MACROH2A2: variants seen among roughly 807,000 people sequenced by gnomAD.
MACROH2A2 encodes the protein core histone macro-H2A.2.
A neutral mutation model predicts 37.6 loss-of-function variants in MACROH2A2; 6 were observed. The ratio of observed to expected loss-of-function variants is 0.16; its 90% CI spans 0.09 to 0.32. The LOEUF (loss-of-function observed/expected upper bound fraction) is 0.32. Among genes scored for constraint, MACROH2A2 ranks in the 10% least tolerant of loss-of-function variants. The pLI is 1.00. For missense variants in MACROH2A2, 290 were observed against 485.9 expected (o/e 0.60, Z 3.79); for synonymous variants, 192 against 202.7 (o/e 0.95, Z 0.45).
intron 1 of MACROH2A2, among the ~76,000 whole-genome samples, chr10:70,066,778 T>A (rs922915404): frequency 1.3e-5 from 2 of 152,208 alleles, no homozygotes; most frequent in African/African-American, 4.8e-5. Context: ...TTCTAAGACA[T>A]GCACGTACAC....
At chr10:70,083,158 T>C (rs1589835603) in intron 2 of MACROH2A2, among the ~76,000 whole-genome samples, 1 of 152,124 alleles carries the variant, frequency 6.6e-6, no homozygotes, top group East Asian at 1.9e-4. Flanking sequence ...TCTCCAGAGC[T>C]GGCTGGAGGC....
intron 7 of MACROH2A2, among the ~76,000 whole-genome samples, chr10:70,103,802 G>T (rs150587176): frequency 6.6e-6 from 1 of 151,868 alleles, no homozygotes. Context: ...AAGATGTGTG[G>T]AAACAGGAAA....
chr10:70,109,236 C>T lies in MACROH2A2; in HGVS notation c.953+29C>T, dbSNP rs768653336. The T allele has an allele frequency of 5.6e-6, 9 of 1,595,860 alleles. No homozygotes were observed. In the East Asian group the frequency reaches 1.8e-4, roughly 32 times the overall value. ...AGATGCAGTTCCCCTGAGTTGATTC[C>T]TCCGGCTTTTTCCCTGGAAATCAGC... is the stretch of plus-strand genomic sequence containing the variant. On this transcript the variant is annotated intron_variant, in intron 8 of 8. Transcript: ENST00000373255.
chr10:70,056,423 C>T (rs914655123), intron 1 of MACROH2A2, among the ~76,000 whole-genome samples: 2 of 152,200 alleles, frequency 1.3e-5, no homozygotes, highest in East Asian at 1.9e-4. Context: ...GGATTACAGG[C>T]GTGTGCCACC....
intron 7 of MACROH2A2, among the ~76,000 whole-genome samples, chr10:70,102,422 T>G (rs114517225): frequency 0.018 from 2,804 of 152,152 alleles, 97 homozygotes; most frequent in African/African-American, 0.065. Flanking sequence ...TAGACTTGAT[T>G]GTTATAAAAG....
At chr10:70,064,982 C>T (rs2072070835) in intron 1 of MACROH2A2, among the ~76,000 whole-genome samples, 1 of 151,920 alleles carries the variant, frequency 6.6e-6, no homozygotes, top group African/African-American at 2.4e-5. Flanking sequence ...TTCAAGAAAG[C>T]TCTTCTATCT....
At chr10:70,094,942 G>C (rs2072265952) in intron 5 of MACROH2A2, among the ~76,000 whole-genome samples, 1 of 152,214 alleles carries the variant, frequency 6.6e-6, no homozygotes, top group Admixed American at 6.5e-5. Context: ...CTTCTAGGGA[G>C]AATGCAGGAT....
At chr10:70,084,928 T>C (rs1448112806) in intron 2 of MACROH2A2, among the ~76,000 whole-genome samples, 3 of 152,122 alleles carry the variant, frequency 2.0e-5, no homozygotes, top group East Asian at 1.9e-4. Context: ...AAGGTACCTA[T>C]TGGGTCACCA....
chr10:70,095,855 G>C, intron 6 of MACROH2A2, 102 bp downstream of exon 6: 1 of 654,802 alleles, frequency 1.5e-6, no homozygotes. Context: ...CTCCGCTGGG[G>C]TCCCATGTCA....
intron 2 of MACROH2A2, among the ~76,000 whole-genome samples, chr10:70,084,610 C>CT (rs1564544380): frequency 1.3e-5 from 2 of 151,796 alleles, no homozygotes; most frequent in Non-Finnish European, 2.9e-5. Flanking sequence ...TCTTTTCTTT[C>CT]TTTTTTTTAG....
In MACROH2A2 at chr10:70,103,718, G is replaced by T. The variant is rs558055653; in HGVS notation, c.778+3421G>T. Among the ~76,000 whole-genome samples the T allele has an allele frequency of 2.0e-5, 3 of 152,084 alleles. No homozygotes were observed. The East Asian group carries it at 5.8e-4, about 29-fold the overall frequency. On this transcript the variant is annotated intron_variant, in intron 7 of 8. Coordinates refer to ENST00000373255, the MANE Select transcript of MACROH2A2 (RefSeq NM_018649.3). Reference sequence around the variant, plus strand: ...TCAAAAGAAACCTTCAAAGTAACCCGAGAGGAGAGGCAGATCATTTGTAAA... The same window carrying T: ...TCAAAAGAAACCTTCAAAGTAACCCTAGAGGAGAGGCAGATCATTTGTAAA...
At chr10:70,065,402 G>A (rs2072073807) in intron 1 of MACROH2A2, among the ~76,000 whole-genome samples, 1 of 151,966 alleles carries the variant, frequency 6.6e-6, no homozygotes, top group Non-Finnish European at 1.5e-5. Flanking sequence ...AAATACAAAC[G>A]CATAACCAAA....
intron 2 of MACROH2A2, among the ~76,000 whole-genome samples, chr10:70,083,098 G>A (rs547876234): frequency 6.6e-6 from 1 of 152,140 alleles, no homozygotes. Context: ...GAGGGGGAGA[G>A]CTGGAAACAC....
At chr10:70,081,541 CA>C (rs2072176676) in intron 2 of MACROH2A2, among the ~76,000 whole-genome samples, 2 of 151,918 alleles carry the variant, frequency 1.3e-5, no homozygotes, top group South Asian at 4.2e-4. Flanking sequence ...CGTCAGAGGC[CA>C]AGGGAAGGAA....
At chr10:70,093,591 C>A in intron 4 of MACROH2A2, 144 bp from the exon 5 acceptor site, 1 of 585,262 alleles carries the variant, frequency 1.7e-6, no homozygotes. Flanking sequence ...CTTTTGCTCC[C>A]CTCCTTCAAG....
chr10:70,090,180 C>T lies in MACROH2A2; in HGVS notation c.279+14C>T. On this transcript the variant is annotated intron_variant, in intron 3 of 8. Coordinates refer to ENST00000373255, the MANE Select transcript of MACROH2A2 (RefSeq NM_018649.3). ...GAGCTCAACCAGGTATGTCTGAAGC[C>T]TTGAGGGAAGCCGTAGAATGGGTTT... The T allele has an allele frequency of 6.4e-7, 1 of 1,555,982 alleles. No homozygotes were observed. The highest frequency in any genetic ancestry group is 8.9e-7 in the Non-Finnish European group (1 of 1,126,982).
chr10:70,093,149 A>G (rs1053293712), intron 4 of MACROH2A2, among the ~76,000 whole-genome samples: 3 of 152,196 alleles, frequency 2.0e-5, no homozygotes, highest in Non-Finnish European at 1.5e-5. Flanking sequence ...CATTGGAATT[A>G]TAAGTGTGAG....
rs2072349868 is a variant in MACROH2A2 at position 70,108,305 on chromosome 10, A to G, written c.779-728A>G. On this transcript the variant is annotated intron_variant, in intron 7 of 8. Transcript: ENST00000373255. Reference sequence around the variant, plus strand: ...TACCACAAAGTTCGTGGCTTCAGACAACACAAATTTGTCTTCTTACAGTTC... The same window carrying G: ...TACCACAAAGTTCGTGGCTTCAGACGACACAAATTTGTCTTCTTACAGTTC... Among the ~76,000 whole-genome samples, 5 of 152,352 alleles carry G rather than the reference A, an allele frequency of 3.3e-5. No individual in the cohort carries two copies. In the South Asian group the frequency reaches 8.3e-4, roughly 25 times the overall value.
Position 70,111,981 on chromosome 10 carries a change from C to CAA in MACROH2A2, c.*299_*300dup, listed in dbSNP as rs975646511. 9.7e-5 allele frequency: 21 copies of CAA among 215,780 alleles called. No individual in the cohort carries two copies. The highest frequency in any genetic ancestry group is 4.8e-4 in the African/African-American group (21 of 43,980). 13.4% of individuals were successfully genotyped at this position (215,780 alleles called of 1,614,324 possible). On this transcript the variant is annotated 3_prime_UTR_variant, in exon 9 of 9. Coordinates refer to ENST00000373255, the MANE Select transcript of MACROH2A2 (RefSeq NM_018649.3). ...GCATTGACTTTTACACACATTCACA[C>CAA]AAGAAAAAAATCCTTTCAAAATTCT...
Sources: allele counts gnomAD v4.1 joint callset (sites outside exome capture counted in the v4.1 genomes callset), GRCh38; gene constraint gnomAD v4.1.1; transcripts MANE v1.5; gene names NCBI Gene and HGNC (gene_info 2026-07-23, HGNC 2026-07-21).